UBE2B: variants seen among roughly 807,000 people sequenced by gnomAD.
UBE2B encodes the protein ubiquitin-conjugating enzyme E2 B.
A neutral mutation model predicts 24.6 loss-of-function variants in UBE2B; 11 were observed. That is an observed-to-expected ratio of 0.45 (90% CI 0.28 to 0.74). UBE2B has a LOEUF of 0.74. Among genes scored for constraint, UBE2B ranks in the 30% least tolerant of loss-of-function variants. UBE2B has a pLI of 0.13. For synonymous variants in UBE2B, 68 were observed against 62.4 expected (o/e 1.09, Z -0.42); for missense variants, 78 against 185.6 (o/e 0.42, Z 3.37).
At chr5:134,374,648 C>T (rs76893329) in intron 2 of UBE2B, 185 bp downstream of exon 2, 16,396 of 625,164 alleles carry the variant, frequency 0.026, 309 homozygotes, top group Non-Finnish European at 0.035. Flanking sequence ...AGTAGCTCAA[C>T]GCCTGGGAGG....
intron 2 of UBE2B, among the ~76,000 whole-genome samples, chr5:134,374,872 T>G (rs1490507847): frequency 6.6e-6 from 1 of 152,084 alleles, no homozygotes; most frequent in Non-Finnish European, 1.5e-5. Context: ...AGCCCAGAAG[T>G]TTGAGGCTGC....
chr5:134,376,322 CAAAAAAAAAAAA>C (rs1176500916), intron 2 of UBE2B, among the ~76,000 whole-genome samples: 1 of 7,462 alleles, frequency 1.3e-4, no homozygotes, highest in African/African-American at 4.3e-4. Flanking sequence ...AACTCCGTCT[CAAAAAAAAAAAA>C]AAAAAAAAAA....
chr5:134,390,134 G>T lies in UBE2B; in HGVS notation c.331-91G>T. The T allele has an allele frequency of 6.6e-7, 1 of 1,511,852 alleles. No homozygotes were observed. Among genetic ancestry groups the T allele is most frequent in the Non-Finnish European group, 9.1e-7 (1 of 1,100,922 alleles). 93.7% of individuals were successfully genotyped at this position (1,511,852 alleles called of 1,614,324 possible). ...AATCTCTGAAGTAATTTGTTGTTTTGTATAACTTTTCTGTAATATATTCCA... is the reference window on the plus strand; with the variant it reads ...AATCTCTGAAGTAATTTGTTGTTTTTTATAACTTTTCTGTAATATATTCCA... On this transcript the variant is annotated intron_variant, in intron 5 of 5. Transcript: ENST00000265339. The surrounding 1 kb of genome is among the most constrained non-coding windows in gnomAD (Gnocchi z 4.6).
intron 2 of UBE2B, among the ~76,000 whole-genome samples, chr5:134,374,798 T>A (rs1337160594): frequency 3.3e-5 from 5 of 152,058 alleles, no homozygotes; most frequent in African/African-American, 1.2e-4. Flanking sequence ...TAAAACTAGC[T>A]GAGCATGGTG....
Position 134,392,075 on chromosome 5 carries a change from TTTAA to T in UBE2B, c.*1725_*1728del, listed in dbSNP as rs1758905728. 2 of 152,340 alleles carry T rather than the reference TTTAA, an allele frequency of 1.3e-5. No individual in the cohort carries two copies. The highest frequency in any genetic ancestry group is 2.1e-4 in the South Asian group (1 of 4,830). 9.4% of individuals were successfully genotyped at this position (152,340 alleles called of 1,614,324 possible). On this transcript the variant is annotated 3_prime_UTR_variant, in exon 6 of 6. Coordinates refer to ENST00000265339, the MANE Select transcript of UBE2B (RefSeq NM_003337.4). ...GGAATCGTGGCTCCCAAAAAGATGC[TTTAA>T]TTGTGTGGTGCTTTTATAGTTTAGC...
At chr5:134,383,832 A>G (rs913682863) in intron 4 of UBE2B, among the ~76,000 whole-genome samples, 1 of 151,960 alleles carries the variant, frequency 6.6e-6, no homozygotes, top group Non-Finnish European at 1.5e-5. Context: ...ATTGCTGCAT[A>G]ACAACTAGAC....
At chr5:134,389,382 C>G (rs2149694356) in intron 5 of UBE2B, among the ~76,000 whole-genome samples, 1 of 152,292 alleles carries the variant, frequency 6.6e-6, no homozygotes, top group Admixed American at 6.5e-5. Flanking sequence ...TGCAAAGTAA[C>G]TGCAGTAATA....
At chr5:134,377,440 A>T (rs552862727) in intron 3 of UBE2B, among the ~76,000 whole-genome samples, 1 of 152,192 alleles carries the variant, frequency 6.6e-6, no homozygotes, top group Non-Finnish European at 1.5e-5. Context: ...ATGTATCTGG[A>T]TTCTGGAATA....
intron 1 of UBE2B, 64 bp downstream of exon 1, chr5:134,371,703 T>C (rs1209956607): frequency 6.2e-7 from 1 of 1,606,368 alleles, no homozygotes; most frequent in Non-Finnish European, 8.5e-7. Context: ...AGGGCGTGGA[T>C]CCCAGACACC....
intron 4 of UBE2B, among the ~76,000 whole-genome samples, chr5:134,381,117 C>T (rs2149692008): frequency 6.6e-6 from 1 of 152,168 alleles, no homozygotes; most frequent in Middle Eastern, 3.4e-3. Flanking sequence ...CAGGCGTCCA[C>T]CACCACGCCT....
In UBE2B at chr5:134,374,293, A is replaced by T. The variant is rs939848099; in HGVS notation, c.45-90A>T. On this transcript the variant is annotated intron_variant, in intron 1 of 5. Coordinates refer to ENST00000265339, the MANE Select transcript of UBE2B (RefSeq NM_003337.4). Reference sequence around the variant, plus strand: ...GGAAATGGAGTTAGTCTGTGTCTCAAAATAGATGGTATAGTGTCTGTAGGT... The same window carrying T: ...GGAAATGGAGTTAGTCTGTGTCTCATAATAGATGGTATAGTGTCTGTAGGT... The T allele has an allele frequency of 1.7e-5, 20 of 1,190,150 alleles. No individual in the cohort carries two copies. In the African/African-American group the frequency reaches 2.9e-4, roughly 17 times the overall value. The allele number at this position is 1,190,150 out of a possible 1,614,324, so 73.7% of individuals were successfully genotyped here. A position where few individuals can be genotyped will look rare whatever the true frequency, so the allele number is the denominator to read the frequency against.
rs895428971 is a variant in UBE2B, at chr5:134,388,326, G to A, written c.243G>A (p.Val81=). 1.2e-6 allele frequency: 2 copies of A among 1,612,714 alleles called. No individual in the cohort carries two copies. Among genetic ancestry groups the A allele is most frequent in the Admixed American group, 3.3e-5 (2 of 59,994 alleles). ...RFLSKMFHPN[V]YADGSICLDI... is the part of the protein sequence containing the mutation. ...CTAATTTTAGTATTGTCTTTGCAGT[G>A]TATGCTGATGGTAGCATATGTTTAG... Residue 81 remains valine, a splice_region_variant and synonymous_variant, in exon 5 of 6, where the codon GTG becomes GTA. Coordinates refer to ENST00000265339, the MANE Select transcript of UBE2B (RefSeq NM_003337.4).
chr5:134,372,002 T>A (rs1164641638), intron 1 of UBE2B, among the ~76,000 whole-genome samples: 1 of 152,174 alleles, frequency 6.6e-6, no homozygotes, highest in Non-Finnish European at 1.5e-5. Context: ...CAAAGTGAGC[T>A]CCTGCGGGAG....
rs765178037 is a variant in UBE2B, at chr5:134,388,435, T to C, written c.330+22T>C. 1.9e-6 allele frequency: 3 copies of C among 1,602,974 alleles called. No homozygotes were observed. In the Admixed American group the frequency reaches 5.0e-5, roughly 27 times the overall value. On this transcript the variant is annotated intron_variant, in intron 5 of 5. Coordinates refer to ENST00000265339, the MANE Select transcript of UBE2B (RefSeq NM_003337.4). The stretch of plus-strand genomic sequence containing the variant: ...TCAGGTAAGTGTGTGTTAGGATGTA[T>C]TATAATTTGTCAGTATTCTGTAGGA...
rs1048516225 is a variant in UBE2B at position 134,391,622 on chromosome 5, A to C, written c.*1269A>C. 1.3e-5 allele frequency: 2 copies of C among 152,612 alleles called. No individual in the cohort carries two copies. Among genetic ancestry groups the C allele is most frequent in the East Asian group, 1.9e-4 (1 of 5,200 alleles). 9.5% of individuals were successfully genotyped at this position (152,612 alleles called of 1,614,324 possible). A position where few individuals can be genotyped will look rare whatever the true frequency, so the allele number is the denominator to read the frequency against. On this transcript the variant is annotated 3_prime_UTR_variant, in exon 6 of 6. Transcript: ENST00000265339. ...CCATAAAATTGGATTACAGTATGGC[A>C]ATATCTACAGCTTCTATTCATTATG...
chr5:134,382,698 T>G (rs1310470893), intron 4 of UBE2B, among the ~76,000 whole-genome samples: 2 of 148,314 alleles, frequency 1.3e-5, no homozygotes, highest in Non-Finnish European at 1.5e-5. Context: ...TGCTGGAGCC[T>G]GGGAGGTTGA....
intron 3 of UBE2B, among the ~76,000 whole-genome samples, chr5:134,379,141 T>C (rs1758658650): frequency 6.6e-6 from 1 of 152,124 alleles, no homozygotes; most frequent in African/African-American, 2.4e-5. Flanking sequence ...AGTCACCCAA[T>C]ATTTTGCAGA....
At position 134,376,151 on chromosome 5, in the gene UBE2B, T is replaced by C. The variant is rs1435386068; in HGVS notation, c.126-518T>C. The stretch of plus-strand genomic sequence containing the variant: ...GAGTTCGAAACCAGCCTGGCCAATA[T>C]GGTGAAACCCCGTTTCTACTAAAAA... On this transcript the variant is annotated intron_variant, in intron 2 of 5. Coordinates refer to ENST00000265339, the MANE Select transcript of UBE2B (RefSeq NM_003337.4). Among the ~76,000 whole-genome samples the C allele has an allele frequency of 3.3e-5, 5 of 149,926 alleles. No homozygotes were observed. In the East Asian group the frequency reaches 9.9e-4, roughly 30 times the overall value.
chr5:134,380,960 T>A, intron 4 of UBE2B, 152 bp downstream of exon 4: 1 of 388,788 alleles, frequency 2.6e-6, no homozygotes, highest in Non-Finnish European at 4.6e-6. Flanking sequence ...TGTGGATTTT[T>A]TTTTTTTTTT....
Sources: allele counts gnomAD v4.1 joint callset (sites outside exome capture counted in the v4.1 genomes callset), GRCh38; gene constraint gnomAD v4.1.1; non-coding constraint Gnocchi (gnomAD v3.1); transcripts MANE v1.5; gene names NCBI Gene and HGNC (gene_info 2026-07-23, HGNC 2026-07-21).